MYPN: variants seen among roughly 807,000 people sequenced by gnomAD.
The protein encoded by MYPN is myopalladin.
In MYPN, 63 loss-of-function variants were observed where a neutral mutation model predicts 129.4. That is an observed-to-expected ratio of 0.49 (90% CI 0.40 to 0.60). MYPN has a LOEUF of 0.60. Ranked by LOEUF, MYPN falls within the 20% of genes least tolerant of loss-of-function variation. The pLI, the probability that MYPN is intolerant of heterozygous loss-of-function variation, is 0.00. For synonymous variants in MYPN, 629 were observed against 600.9 expected (o/e 1.05, Z -0.68); for missense variants, 1,596 against 1,635.4 (o/e 0.98, Z 0.42).
chr10:68,138,638 C>T (rs2042525523), intron 2 of MYPN, among the ~76,000 whole-genome samples: 1 of 152,146 alleles, frequency 6.6e-6, no homozygotes, highest in South Asian at 2.1e-4. Flanking sequence ...GTGAACCACA[C>T]TTTCAGAACC....
chr10:68,158,509 T>C lies in MYPN; in HGVS notation c.1341T>C (p.Ser447=). Reference sequence around the variant, plus strand: ...AGATGCTACAAAATTTGTCAGCTTCTGAGGGTCAGCTGGTTGTCTTTGAAT... The same window carrying C: ...AGATGCTACAAAATTTGTCAGCTTCCGAGGGTCAGCTGGTTGTCTTTGAAT... ...FTKMLQNLSA[S]EGQLVVFECR... Residue 447 remains serine (S), a synonymous_variant, in exon 7 of 20, where the codon TCT becomes TCC. Transcript: ENST00000358913. 6.2e-7 allele frequency: 1 copy of C among 1,614,088 alleles called. No homozygotes were observed.
At chr10:68,148,258 C>A in intron 4 of MYPN, 95 bp from the exon 5 acceptor site, 1 of 993,356 alleles carries the variant, frequency 1.0e-6, no homozygotes, top group Non-Finnish European at 1.6e-6. Context: ...ATTACACTCA[C>A]CTGTAAGCAG....
chr10:68,190,480 C>T (rs1008731703), intron 13 of MYPN, among the ~76,000 whole-genome samples: 4 of 152,202 alleles, frequency 2.6e-5, no homozygotes, highest in Non-Finnish European at 4.4e-5. Flanking sequence ...CGTGAGCCAC[C>T]ACGCCCAGCC....
chr10:68,174,701 T>G (rs2134202070), intron 11 of MYPN, 45 bp downstream of exon 11: 5 of 1,569,530 alleles, frequency 3.2e-6, no homozygotes, highest in Non-Finnish European at 4.4e-6. Context: ...TAGTTAAGAG[T>G]CGATGTGCAC....
At chr10:68,139,482 C>G (rs181750742) in intron 2 of MYPN, among the ~76,000 whole-genome samples, 2 of 152,096 alleles carry the variant, frequency 1.3e-5, no homozygotes, top group African/African-American at 4.8e-5. Flanking sequence ...TTAAAAAATT[C>G]TTTTATTCTC....
intron 7 of MYPN, among the ~76,000 whole-genome samples, chr10:68,159,041 T>C (rs2042930705): frequency 6.6e-6 from 1 of 152,142 alleles, no homozygotes; most frequent in African/African-American, 2.4e-5. Flanking sequence ...GCTGTGAATA[T>C]CTACAGTTAT....
At chr10:68,091,836 T>C (rs1356417169) in intron 1 of MYPN, among the ~76,000 whole-genome samples, 2 of 152,036 alleles carry the variant, frequency 1.3e-5, no homozygotes, top group Admixed American at 6.5e-5. Flanking sequence ...TTAGAACTTT[T>C]TTTTTTAAAG....
intron 1 of MYPN, among the ~76,000 whole-genome samples, chr10:68,090,559 A>AAAG (rs2041926208): frequency 6.6e-6 from 1 of 152,194 alleles, no homozygotes; most frequent in Non-Finnish European, 1.5e-5. Flanking sequence ...TGGGGAAAAT[A>AAAG]GTTTCATATC....
rs375104529 is a variant in MYPN, at chr10:68,166,348, A to G, written c.1655A>G (p.Asn552Ser). Residue 552 changes from asparagine (N) to serine (S), a missense_variant, in exon 10 of 20, where the codon AAC becomes AGC. Coordinates refer to ENST00000358913, the MANE Select transcript of MYPN (RefSeq NM_032578.4). ...CTTCACTCAGCCAACTCTACCACCA[A>G]CCTGGCAGCTATTGAGCCACAGCCC... is the stretch of plus-strand genomic sequence containing the variant. ...GSLHSANSTT[N>S]LAAIEPQPSP... is the part of the protein sequence containing the mutation. 2 of 1,613,760 alleles carry G rather than the reference A, an allele frequency of 1.2e-6. No homozygotes were observed. Among genetic ancestry groups the G allele is most frequent in the African/African-American group, 2.7e-5 (2 of 74,812 alleles).
intron 12 of MYPN, among the ~76,000 whole-genome samples, chr10:68,181,600 T>A (rs946393336): frequency 9.9e-5 from 15 of 152,092 alleles, no homozygotes; most frequent in Admixed American, 3.3e-4. Context: ...TAACTTCTGC[T>A]CCTGATTCCT....
At position 68,144,412 on chromosome 10, in the gene MYPN, G is replaced by T. The variant is rs117867454; in HGVS notation, c.1079-1063G>T. ...TTATTTATATCTCCAATATGTACTT[G>T]TACTAGGTACTTACATAGTACCAAG... is the stretch of plus-strand genomic sequence containing the variant. On this transcript the variant is annotated intron_variant, in intron 3 of 19. Transcript: ENST00000358913. Among the ~76,000 whole-genome samples, 1,517 of 152,072 alleles carry T rather than the reference G, an allele frequency of 1.0e-2. 16 individuals are homozygous for T. The highest frequency in any genetic ancestry group is 0.041 in the Middle Eastern group (12 of 292).
intron 15 of MYPN, among the ~76,000 whole-genome samples, chr10:68,196,343 T>TA (rs755214713): frequency 5.3e-5 from 8 of 152,306 alleles, no homozygotes; most frequent in Non-Finnish European, 7.4e-5. Flanking sequence ...ACCTGAATCT[T>TA]ACGGTGCCAC....
At chr10:68,208,966 C>T (rs990292030) in intron 19 of MYPN, among the ~76,000 whole-genome samples, 1 of 152,210 alleles carries the variant, frequency 6.6e-6, no homozygotes, top group Non-Finnish European at 1.5e-5. Flanking sequence ...TACTGAGTGT[C>T]TGCTCTTTAG....
chr10:68,172,987 C>T (rs746739267), intron 10 of MYPN, among the ~76,000 whole-genome samples: 5 of 152,166 alleles, frequency 3.3e-5, no homozygotes, highest in East Asian at 1.9e-4. Flanking sequence ...GCACAAGAAT[C>T]ACTTGAACCC....
intron 19 of MYPN, 47 bp downstream of exon 19, chr10:68,206,950 TA>T: frequency 1.2e-6 from 2 of 1,612,000 alleles, no homozygotes; most frequent in Non-Finnish European, 1.7e-6. Context: ...ACTGACAGCT[TA>T]AAAATATTTT....
intron 13 of MYPN, among the ~76,000 whole-genome samples, chr10:68,191,121 A>G (rs991375540): frequency 5.9e-5 from 9 of 152,058 alleles, no homozygotes; most frequent in African/African-American, 2.2e-4. Flanking sequence ...CAGGTAGCAT[A>G]ATGCCTGCAG....
chr10:68,147,685 G>A (rs1336986156), intron 4 of MYPN, among the ~76,000 whole-genome samples: 2 of 152,054 alleles, frequency 1.3e-5, no homozygotes, highest in African/African-American at 2.4e-5. Context: ...GAGAGAGATG[G>A]CCTTCCCCTC....
chr10:68,172,313 C>A (rs2043156518), intron 10 of MYPN, among the ~76,000 whole-genome samples: 1 of 152,054 alleles, frequency 6.6e-6, no homozygotes, highest in Non-Finnish European at 1.5e-5. Flanking sequence ...CGTGATTGTG[C>A]CACTGTACTC....
intron 2 of MYPN, among the ~76,000 whole-genome samples, chr10:68,125,526 T>C (rs1203307816): frequency 6.6e-6 from 1 of 152,224 alleles, no homozygotes; most frequent in Non-Finnish European, 1.5e-5. Context: ...ATTTAGTTAG[T>C]TTTTACTGTG....
Sources: allele counts gnomAD v4.1 joint callset (sites outside exome capture counted in the v4.1 genomes callset), GRCh38; gene constraint gnomAD v4.1.1; transcripts MANE v1.5; gene names NCBI Gene and HGNC (gene_info 2026-07-23, HGNC 2026-07-21).